NIPBL: variants seen among roughly 807,000 people sequenced by gnomAD.
NIPBL encodes nipped-B-like protein.
A neutral mutation model predicts 321.8 loss-of-function variants in NIPBL; 19 were observed. The ratio of observed to expected loss-of-function variants is 0.06; its 90% CI spans 0.04 to 0.09. The LOEUF (loss-of-function observed/expected upper bound fraction) is 0.09. Among genes scored for constraint, NIPBL ranks in the 10% least tolerant of loss-of-function variants. NIPBL has a pLI of 1.00. For synonymous variants in NIPBL, 1,106 were observed against 1,114.1 expected (o/e 0.99, Z 0.14); for missense variants, 2,210 against 3,327.0 (o/e 0.66, Z 8.26).
At chr5:36,987,304 T>C (rs543613842) in intron 10 of NIPBL, among the ~76,000 whole-genome samples, 2 of 152,338 alleles carry the variant, frequency 1.3e-5, no homozygotes, top group South Asian at 4.1e-4. Flanking sequence ...ATATGAAATC[T>C]GGAATTGCAT....
intron 41 of NIPBL, 115 bp downstream of exon 41, chr5:37,052,001 C>T (rs1753606458): frequency 6.2e-6 from 5 of 800,900 alleles, no homozygotes; most frequent in East Asian, 5.3e-5. Context: ...TACTTAGTAC[C>T]TATCTTCTAA....
intron 32 of NIPBL, among the ~76,000 whole-genome samples, chr5:37,033,286 G>A (rs1228930134): frequency 6.6e-6 from 1 of 152,002 alleles, no homozygotes; most frequent in Non-Finnish European, 1.5e-5. Context: ...GAAAAGCAGA[G>A]AAAAGGTAAA....
chr5:36,912,158 G>A (rs1561377091), intron 1 of NIPBL, among the ~76,000 whole-genome samples: 1 of 152,142 alleles, frequency 6.6e-6, no homozygotes, highest in Non-Finnish European at 1.5e-5. Flanking sequence ...GGATAAAAGA[G>A]AATAGATTTA....
At chr5:37,054,595 TTA>T (rs1189422846) in intron 42 of NIPBL, among the ~76,000 whole-genome samples, 1 of 152,190 alleles carries the variant, frequency 6.6e-6, no homozygotes, top group African/African-American at 2.4e-5. Flanking sequence ...ACTGCCTGCT[TTA>T]TGTCATTGAC....
chr5:36,903,739 C>T (rs1208064677), intron 1 of NIPBL, among the ~76,000 whole-genome samples: 1 of 152,140 alleles, frequency 6.6e-6, no homozygotes, highest in Non-Finnish European at 1.5e-5. Flanking sequence ...TAGGCTACTT[C>T]TTAGTTTATG....
chr5:36,877,214 G>C (rs950834358), intron 1 of NIPBL, 36 bp downstream of exon 1: 3 of 194,644 alleles, frequency 1.5e-5, no homozygotes, highest in African/African-American at 4.7e-5. Flanking sequence ...GGCGGCGGCG[G>C]CGGCGCCGGC....
At chr5:36,915,373 G>A (rs192284915) in intron 1 of NIPBL, among the ~76,000 whole-genome samples, 6 of 152,172 alleles carry the variant, frequency 3.9e-5, no homozygotes, top group Admixed American at 1.3e-4. Flanking sequence ...TATAAACAAA[G>A]TCAGTTAACC....
chr5:36,991,282 TC>T (rs1456332213), intron 10 of NIPBL, among the ~76,000 whole-genome samples: 3 of 152,102 alleles, frequency 2.0e-5, no homozygotes, highest in Non-Finnish European at 4.4e-5. Flanking sequence ...GAAACCAATT[TC>T]CCTCCTACTT....
At chr5:37,021,620 G>T (rs1014459004) in intron 27 of NIPBL, among the ~76,000 whole-genome samples, 1 of 152,158 alleles carries the variant, frequency 6.6e-6, no homozygotes. Context: ...GATGGAGGTT[G>T]CAGGGAGCCG....
In NIPBL at chr5:37,020,510, A is replaced by G. The variant is rs1428772009; in HGVS notation, c.5062A>G (p.Thr1688Ala). Reference sequence around the variant, plus strand: ...GTGGTTTCGAGACACAACTCTGGAAACAGAAAAAGCAATGAAATCACAAAA... The same window carrying G: ...GTGGTTTCGAGACACAACTCTGGAAGCAGAAAAAGCAATGAAATCACAAAA... ...AQWFRDTTLE[T>A]EKAMKSQKDE... Residue 1688 changes from threonine (T) to alanine (A), a missense_variant, in exon 26 of 47, where the codon ACA becomes GCA. Thr to Ala is a moderately conservative substitution (Grantham distance 58, BLOSUM62 0). Coordinates refer to ENST00000282516, the MANE Select transcript of NIPBL (RefSeq NM_133433.4). 1 of 1,614,038 alleles carries G rather than the reference A, an allele frequency of 6.2e-7. No individual in the cohort carries two copies. Among genetic ancestry groups the G allele is most frequent in the Admixed American group, 1.7e-5 (1 of 60,020 alleles).
chr5:37,020,266 AAAT>A (rs1395433779), intron 25 of NIPBL, among the ~76,000 whole-genome samples, 190 bp from the exon 26 acceptor site: 3 of 152,214 alleles, frequency 2.0e-5, no homozygotes, highest in Non-Finnish European at 4.4e-5. Flanking sequence ...GAACATAGTA[AAAT>A]AATAAGTTTT....
At position 36,956,705 on chromosome 5, in the gene NIPBL, A is replaced by G. The variant is rs1016414144; in HGVS notation, c.230+1068A>G. ...AGTGGTGCGATCTCGGCTCACTGCA[A>G]CCTCCACCTCCTGGGTTCAAGTGAT... On this transcript the variant is annotated intron_variant, in intron 3 of 46. Coordinates refer to ENST00000282516, the MANE Select transcript of NIPBL (RefSeq NM_133433.4). 9.2e-5 allele frequency among the ~76,000 whole-genome samples: 13 copies of G among 141,642 alleles called. No homozygotes were observed. The South Asian group carries it at 1.1e-3, about 12-fold the overall frequency. 92.9% of individuals were successfully genotyped at this position (141,642 alleles called of 152,430 possible). A position where few individuals can be genotyped will look rare whatever the true frequency, so the allele number is the denominator to read the frequency against.
At chr5:36,933,522 C>G (rs1008071299) in intron 1 of NIPBL, among the ~76,000 whole-genome samples, 1 of 151,822 alleles carries the variant, frequency 6.6e-6, no homozygotes, top group African/African-American at 2.4e-5. Flanking sequence ...AAATTTGATC[C>G]GATTTCAGGA....
intron 1 of NIPBL, among the ~76,000 whole-genome samples, chr5:36,898,256 C>A (rs1052348642): frequency 6.6e-6 from 1 of 152,032 alleles, no homozygotes; most frequent in Non-Finnish European, 1.5e-5. Context: ...CCTCTATTAT[C>A]ATTAATATTG....
At chr5:37,009,346 C>CTA (rs1747825090) in intron 20 of NIPBL, among the ~76,000 whole-genome samples, 1 of 152,162 alleles carries the variant, frequency 6.6e-6, no homozygotes. Context: ...TTACCCACTG[C>CTA]TATGGTCAGC....
At chr5:36,994,430 T>A (rs2149660591) in intron 10 of NIPBL, among the ~76,000 whole-genome samples, 1 of 152,252 alleles carries the variant, frequency 6.6e-6, no homozygotes, top group South Asian at 2.1e-4. Flanking sequence ...TATATCTCCA[T>A]CTTGAGTTAT....
intron 1 of NIPBL, among the ~76,000 whole-genome samples, chr5:36,945,558 G>A (rs368785391): frequency 5.3e-5 from 8 of 152,136 alleles, no homozygotes; most frequent in South Asian, 4.1e-4. Flanking sequence ...ATTGGGACAC[G>A]CATATACATT....
intron 43 of NIPBL, among the ~76,000 whole-genome samples, chr5:37,058,551 A>C (rs1421168406): frequency 6.6e-6 from 1 of 152,206 alleles, no homozygotes; most frequent in East Asian, 1.9e-4. Flanking sequence ...TTAAATTATA[A>C]TTACTGCTTT....
At chr5:36,928,659 G>A (rs575331771) in intron 1 of NIPBL, among the ~76,000 whole-genome samples, 51 of 152,204 alleles carry the variant, frequency 3.4e-4, no homozygotes, top group African/African-American at 1.2e-3. Context: ...TTTTCCTCAA[G>A]CCTATTTGCA....
Sources: gnomAD v4.1 joint callset for allele counts (sites outside exome capture counted in the v4.1 genomes callset) on GRCh38, gnomAD v4.1.1 for gene constraint, MANE v1.5 for transcripts, NCBI Gene and HGNC (gene_info 2026-07-23, HGNC 2026-07-21) for gene names.